PLCB1: variants seen among roughly 807,000 people sequenced by gnomAD.
The protein encoded by PLCB1 is phospholipase C beta 1.
A neutral mutation model predicts 161.8 loss-of-function variants in PLCB1; 46 were observed. That is an observed-to-expected ratio of 0.28 (90% CI 0.22 to 0.36). The LOEUF is 0.36. Among genes scored for constraint, PLCB1 ranks in the 10% least tolerant of loss-of-function variants. The pLI, the probability that PLCB1 is intolerant of heterozygous loss-of-function variation, is 1.00. For missense variants in PLCB1, 1,016 were observed against 1,472.5 expected (o/e 0.69, Z 5.07); for synonymous variants, 517 against 503.7 (o/e 1.03, Z -0.35).
At chr20:8,616,009 G>T (rs747588234) in intron 3 of PLCB1, among the ~76,000 whole-genome samples, 1 of 152,032 alleles carries the variant, frequency 6.6e-6, no homozygotes, top group African/African-American at 2.4e-5. Context: ...TCTCAGTTAC[G>T]CAGTTCAGAA....
chr20:8,514,235 T>A (rs1003647224), intron 3 of PLCB1, among the ~76,000 whole-genome samples: 8 of 151,262 alleles, frequency 5.3e-5, no homozygotes, highest in African/African-American at 1.9e-4. Flanking sequence ...AGCTCAGGAG[T>A]TCGAGACCAA....
intron 22 of PLCB1, 85 bp from the exon 23 acceptor site, chr20:8,741,379 T>TGAG (rs1980870934): frequency 1.2e-6 from 1 of 860,034 alleles, no homozygotes; most frequent in Non-Finnish European, 1.9e-6. Flanking sequence ...CATGGACTGA[T>TGAG]GGTCAGATAG....
intron 3 of PLCB1, among the ~76,000 whole-genome samples, chr20:8,458,674 C>G (rs1162523465): frequency 6.6e-6 from 1 of 152,158 alleles, no homozygotes; most frequent in Non-Finnish European, 1.5e-5. Flanking sequence ...ATTTGGCCTG[C>G]TTACCTTATT....
chr20:8,227,942 A>G (rs1260176716), intron 2 of PLCB1, among the ~76,000 whole-genome samples: 1 of 152,182 alleles, frequency 6.6e-6, no homozygotes, highest in Non-Finnish European at 1.5e-5. Context: ...CATTCTAGTT[A>G]AATATATTCT....
chr20:8,426,476 T>C (rs1272681457), intron 3 of PLCB1, among the ~76,000 whole-genome samples: 1 of 152,196 alleles, frequency 6.6e-6, no homozygotes, highest in East Asian at 1.9e-4. Flanking sequence ...GAGGTTTCCA[T>C]TGAGGTTTCA....
At chr20:8,773,229 G>T (rs886485435) in intron 26 of PLCB1, among the ~76,000 whole-genome samples, 1 of 152,148 alleles carries the variant, frequency 6.6e-6, no homozygotes, top group African/African-American at 2.4e-5. Context: ...ACTTTACCTG[G>T]CCTATCGGAC....
rs867570136 is a variant in PLCB1 at position 8,663,102 on chromosome 20, C to T, written c.862+4398C>T. 3.6e-4 allele frequency among the ~76,000 whole-genome samples: 54 copies of T among 152,010 alleles called. 1 individual carries two copies. Among genetic ancestry groups the T allele is most frequent in the African/African-American group, 1.3e-3 (52 of 41,470 alleles). ...GAGTCTTATTTACCTGAGAAAGGCA[C>T]TTCCATATAGCCTATACTTGTTATA... On this transcript the variant is annotated intron_variant, in intron 9 of 31. Coordinates refer to ENST00000338037, the MANE Select transcript of PLCB1 (RefSeq NM_015192.4).
chr20:8,455,930 G>T (rs1981297048), intron 3 of PLCB1, among the ~76,000 whole-genome samples: 1 of 152,178 alleles, frequency 6.6e-6, no homozygotes, highest in Admixed American at 6.5e-5. Context: ...GGCAGGGGCA[G>T]TAATCAAAAT....
intron 9 of PLCB1, among the ~76,000 whole-genome samples, chr20:8,662,596 TTAA>T: frequency 6.8e-6 from 1 of 146,282 alleles, no homozygotes; most frequent in Non-Finnish European, 1.5e-5. Context: ...TCTAAATATA[TTAA>T]TAATCTAATA....
rs184371985 is a variant in PLCB1, at chr20:8,446,403, G to A, written c.246+74953G>A. On this transcript the variant is annotated intron_variant, in intron 3 of 31. Transcript: ENST00000338037. Reference sequence around the variant, plus strand: ...TCAATAAATTAGGTATTGATGGGATGTATCTCAAAATAATAAGAGCTATTT... The same window carrying A: ...TCAATAAATTAGGTATTGATGGGATATATCTCAAAATAATAAGAGCTATTT... 2.6e-5 allele frequency among the ~76,000 whole-genome samples: 4 copies of A among 152,238 alleles called. No homozygotes were observed. In the East Asian group the frequency reaches 7.7e-4, roughly 29 times the overall value.
chr20:8,370,539 T>A (rs909320729), intron 2 of PLCB1, among the ~76,000 whole-genome samples: 11 of 152,144 alleles, frequency 7.2e-5, no homozygotes, highest in African/African-American at 2.7e-4. Context: ...CACCTCAAGG[T>A]TCAGCCAAAA....
At chr20:8,466,601 T>G (rs1459783236) in intron 3 of PLCB1, among the ~76,000 whole-genome samples, 2 of 152,180 alleles carry the variant, frequency 1.3e-5, no homozygotes, top group Admixed American at 1.3e-4. Flanking sequence ...TATAATCAGC[T>G]AAATCCAAAG....
intron 3 of PLCB1, among the ~76,000 whole-genome samples, chr20:8,425,730 G>A (rs1979738881): frequency 6.6e-6 from 1 of 152,168 alleles, no homozygotes; most frequent in Non-Finnish European, 1.5e-5. Flanking sequence ...GCAATGAGGA[G>A]ATTCCCAGCT....
At position 8,516,148 on chromosome 20, in the gene PLCB1, C is replaced by T. The variant is rs545677078; in HGVS notation, c.247-112146C>T. 2.1e-3 allele frequency among the ~76,000 whole-genome samples: 317 copies of T among 152,256 alleles called. 1 individual carries two copies. Among genetic ancestry groups the T allele is most frequent in the African/African-American group, 7.0e-3 (291 of 41,544 alleles). ...TTCCCATCAAGCCCCTCCCACAACACGTGGGAATTATGGGAGCTACAATTC... is the reference window on the plus strand; with the variant it reads ...TTCCCATCAAGCCCCTCCCACAACATGTGGGAATTATGGGAGCTACAATTC... On this transcript the variant is annotated intron_variant, in intron 3 of 31. Transcript: ENST00000338037.
At chr20:8,637,185 C>T (rs1378319230) in intron 4 of PLCB1, among the ~76,000 whole-genome samples, 5 of 152,164 alleles carry the variant, frequency 3.3e-5, no homozygotes, top group Non-Finnish European at 5.9e-5. Context: ...TGATCTGTTT[C>T]ACCTACTACC....
At position 8,218,830 on chromosome 20, in the gene PLCB1, T is replaced by G. The variant is rs1470292052; in HGVS notation, c.177+68459T>G. Among the ~76,000 whole-genome samples the G allele has an allele frequency of 2.0e-5, 3 of 152,118 alleles. No homozygotes were observed. The East Asian group carries it at 5.8e-4, about 29-fold the overall frequency. The stretch of plus-strand genomic sequence containing the variant: ...CACATTCCTGCACAAGTTTCAAATA[T>G]TCTAGCAGATATTTATGCAGATGCA... On this transcript the variant is annotated intron_variant, in intron 2 of 31. Coordinates refer to ENST00000338037, the MANE Select transcript of PLCB1 (RefSeq NM_015192.4).
At chr20:8,289,899 A>G (rs1321581155) in intron 2 of PLCB1, among the ~76,000 whole-genome samples, 1 of 152,178 alleles carries the variant, frequency 6.6e-6, no homozygotes, top group African/African-American at 2.4e-5. Context: ...GCCAGTGCCT[A>G]ATAGAGGTGG....
At chr20:8,687,798 G>A (rs146155128) in intron 10 of PLCB1, among the ~76,000 whole-genome samples, 50 of 152,256 alleles carry the variant, frequency 3.3e-4, no homozygotes, top group African/African-American at 1.1e-3. Context: ...GTAAACATGC[G>A]TGTGCAAGTA....
At chr20:8,445,085 C>G (rs1980758193) in intron 3 of PLCB1, among the ~76,000 whole-genome samples, 1 of 151,992 alleles carries the variant, frequency 6.6e-6, no homozygotes, top group Non-Finnish European at 1.5e-5. Flanking sequence ...CTTTTGTTGC[C>G]ATTGCTTTTG....
Sources: gnomAD v4.1 joint callset for allele counts (sites outside exome capture counted in the v4.1 genomes callset) on GRCh38, gnomAD v4.1.1 for gene constraint, MANE v1.5 for transcripts, NCBI Gene and HGNC (gene_info 2026-07-23, HGNC 2026-07-21) for gene names.